MAP2K1: variants seen among roughly 807,000 people sequenced by gnomAD.
MAP2K1 encodes the protein dual specificity mitogen-activated protein kinase kinase 1.
A neutral mutation model predicts 46.3 loss-of-function variants in MAP2K1; 16 were observed. The observed-to-expected ratio is 0.35, with a 90% confidence interval of 0.23 to 0.52. The LOEUF (loss-of-function observed/expected upper bound fraction) is 0.52, where lower values mean the gene tolerates loss of function less well. MAP2K1 is among the 20% of genes least tolerant of loss of function. The pLI is 0.94. For synonymous variants in MAP2K1, 183 were observed against 185.6 expected (o/e 0.99, Z 0.11); for missense variants, 263 against 497.1 (o/e 0.53, Z 4.48).
chr15:66,453,371 C>CA, intron 5 of MAP2K1: 1 of 648,144 alleles, frequency 1.5e-6, no homozygotes, highest in Non-Finnish European at 2.8e-6. Context: ...ACCACTTGCA[C>CA]AGCCAAGAAA....
chr15:66,388,904 CTTTTTTTT>C (rs72328500), intron 1 of MAP2K1, among the ~76,000 whole-genome samples: 1 of 111,952 alleles, frequency 8.9e-6, no homozygotes. Flanking sequence ...AACATTTGTT[CTTTTTTTT>C]TTTTTTTTTT....
chr15:66,407,870 C>T (rs1566998381), intron 1 of MAP2K1, among the ~76,000 whole-genome samples: 1 of 152,154 alleles, frequency 6.6e-6, no homozygotes, highest in Non-Finnish European at 1.5e-5. Context: ...AAAAGAAAAA[C>T]CAAAGTAAGG....
chr15:66,392,679 G>T (rs1387293787), intron 1 of MAP2K1, among the ~76,000 whole-genome samples: 1 of 150,708 alleles, frequency 6.6e-6, no homozygotes. Context: ...TCAGCCTCCT[G>T]AGTAGCTGGG....
Position 66,387,264 on chromosome 15 carries a change from C to T in MAP2K1, c.-84C>T. The T allele has an allele frequency of 7.9e-7, 1 of 1,260,440 alleles. No individual in the cohort carries two copies. 78.1% of individuals were successfully genotyped at this position (1,260,440 alleles called of 1,614,324 possible). On this transcript the variant is annotated 5_prime_UTR_variant, in exon 1 of 11. Coordinates refer to ENST00000307102, the MANE Select transcript of MAP2K1 (RefSeq NM_002755.4). The stretch of plus-strand genomic sequence containing the variant: ...CCCGCGGCCCGGACTTGGTCCTGCG[C>T]AGCGGGCGCGGGGCAGCGCAGCGGG...
intron 1 of MAP2K1, among the ~76,000 whole-genome samples, chr15:66,433,030 C>G (rs191629236): frequency 2.6e-4 from 38 of 145,804 alleles, no homozygotes; most frequent in African/African-American, 9.5e-4. Flanking sequence ...GCATTTCTAG[C>G]TGGCCTGCTG....
intron 5 of MAP2K1, among the ~76,000 whole-genome samples, chr15:66,472,075 CAAAAAAAA>C (rs56820379): frequency 4.4e-5 from 4 of 91,576 alleles, no homozygotes; most frequent in Admixed American, 1.3e-4. Flanking sequence ...GACTCCATCT[CAAAAAAAA>C]AAAAAAAAAA....
chr15:66,487,703 GGCTGTAGAAAA>G (rs1284906714), intron 8 of MAP2K1, among the ~76,000 whole-genome samples: 4 of 152,110 alleles, frequency 2.6e-5, no homozygotes, highest in Non-Finnish European at 5.9e-5. Context: ...AAGCACCATG[GGCTGTAGAAAA>G]GCAGTTTCAG....
intron 1 of MAP2K1, among the ~76,000 whole-genome samples, chr15:66,423,679 C>T (rs1195280195): frequency 6.9e-6 from 1 of 144,374 alleles, no homozygotes; most frequent in Non-Finnish European, 1.5e-5. Context: ...GCAATCTCGG[C>T]TCACGGCAAC....
At chr15:66,462,496 CA>C (rs551065737) in intron 5 of MAP2K1, among the ~76,000 whole-genome samples, 2,746 of 72,886 alleles carry the variant, frequency 0.038, 14 homozygotes, top group Non-Finnish European at 0.056. Flanking sequence ...GACTCTGTCT[CA>C]AAAAAAAAAA....
chr15:66,432,520 T>C (rs2093477338), intron 1 of MAP2K1, among the ~76,000 whole-genome samples: 1 of 152,242 alleles, frequency 6.6e-6, no homozygotes, highest in Non-Finnish European at 1.5e-5. Flanking sequence ...GTTAATCTGC[T>C]CCAGCAGATC....
At chr15:66,406,685 A>G (rs1414090840) in intron 1 of MAP2K1, among the ~76,000 whole-genome samples, 3 of 152,214 alleles carry the variant, frequency 2.0e-5, no homozygotes, top group East Asian at 1.9e-4. Flanking sequence ...TATCCAGGAA[A>G]GTACCTGTCT....
chr15:66,416,431 C>T (rs1483596407), intron 1 of MAP2K1, among the ~76,000 whole-genome samples: 1 of 151,930 alleles, frequency 6.6e-6, no homozygotes, highest in East Asian at 1.9e-4. Context: ...GTCTTCATAG[C>T]CTAGCCTCTA....
At chr15:66,388,370 T>A (rs931828363) in intron 1 of MAP2K1, among the ~76,000 whole-genome samples, 3 of 152,082 alleles carry the variant, frequency 2.0e-5, no homozygotes, top group Non-Finnish European at 4.4e-5. Flanking sequence ...TATTATTATT[T>A]TTTTGCCTTT....
rs1892471674 is a variant in MAP2K1 at position 66,466,524 on chromosome 15, C to CA, written c.569-15225dup. On this transcript the variant is annotated intron_variant, in intron 5 of 10. Transcript: ENST00000307102. ...TGAAACCCCATCTCTACTAAAAATA[C>CA]AAAAAATTAGCTGGGCGTGGTGGTG... Among the ~76,000 whole-genome samples, 5 of 151,406 alleles carry CA rather than the reference C, an allele frequency of 3.3e-5. No homozygotes were observed. In the South Asian group the frequency reaches 8.4e-4, roughly 25 times the overall value.
intron 1 of MAP2K1, among the ~76,000 whole-genome samples, chr15:66,419,564 T>C (rs1017743641): frequency 5.9e-5 from 9 of 152,080 alleles, no homozygotes; most frequent in African/African-American, 1.9e-4. Flanking sequence ...AAACACATTT[T>C]ATATACTGGG....
At chr15:66,415,172 T>A in intron 1 of MAP2K1, 1 of 523,818 alleles carries the variant, frequency 1.9e-6, no homozygotes, top group Non-Finnish European at 3.8e-6. Context: ...AGAAGTTTCT[T>A]GTTCTTCACT....
At chr15:66,396,555 A>G (rs2093368094) in intron 1 of MAP2K1, among the ~76,000 whole-genome samples, 1 of 147,060 alleles carries the variant, frequency 6.8e-6, no homozygotes, top group African/African-American at 2.5e-5. Flanking sequence ...CAGGCGTGAG[A>G]CACCGTATCT....
At chr15:66,447,100 G>A (rs1891888862) in intron 5 of MAP2K1, among the ~76,000 whole-genome samples, 1 of 152,110 alleles carries the variant, frequency 6.6e-6, no homozygotes, top group Non-Finnish European at 1.5e-5. Context: ...AGGGTGGGCT[G>A]TTGGAACTGA....
At chr15:66,392,067 C>G (rs1247809143) in intron 1 of MAP2K1, among the ~76,000 whole-genome samples, 1 of 151,972 alleles carries the variant, frequency 6.6e-6, no homozygotes, top group Non-Finnish European at 1.5e-5. Context: ...CTCAAGTATA[C>G]CTACATGAGG....
Sources: allele counts gnomAD v4.1 joint callset (sites outside exome capture counted in the v4.1 genomes callset), GRCh38; gene constraint gnomAD v4.1.1; transcripts MANE v1.5; gene names NCBI Gene and HGNC (gene_info 2026-07-23, HGNC 2026-07-21).